ABI3BP: variants seen among roughly 807,000 people sequenced by gnomAD.
ABI3BP encodes target of Nesh-SH3.
Under a neutral mutation model 268.6 loss-of-function variants are expected in ABI3BP, and 216 were observed. The observed-to-expected ratio is 0.80, with a 90% CI of 0.72 to 0.90. ABI3BP has a LOEUF of 0.90. Among genes scored for constraint, ABI3BP ranks in the 40% least tolerant of loss-of-function variants. The pLI is 0.00. For missense variants in ABI3BP, 2,090 were observed against 2,182.4 expected, an observed-to-expected ratio of 0.96 and a Z score of 0.84; for synonymous variants, 730 against 730.0, an observed-to-expected ratio of 1.00 and a Z score of 0.00.
intron 3 of ABI3BP, among the ~76,000 whole-genome samples, chr3:100,900,545 A>G (rs1365897801): frequency 6.6e-6 from 1 of 152,230 alleles, no homozygotes; most frequent in Admixed American, 6.5e-5. Flanking sequence ...TAGAGATGAA[A>G]GACATATTTT....
At chr3:100,885,653 A>G in intron 5 of ABI3BP, 65 bp from the exon 6 acceptor site, 1 of 990,012 alleles carries the variant, frequency 1.0e-6, no homozygotes, top group Non-Finnish European at 1.5e-6. Flanking sequence ...ACTCTAGCTA[A>G]TCATTATGAA....
rs2098181784 is a variant in ABI3BP, at chr3:100,820,303, G to A, written c.2948C>T (p.Ala983Val). ...LRTETWVTTQ[A>V]PKTSQRTRRP... ...ACGAGTTCGTTGTGATGTTTTAGGA[G>A]CTGAAGAAAGAAAACCTTTAGTTAC... Residue 983 changes from alanine (A) to valine (V), a missense_variant and splice_region_variant, in exon 40 of 68, where the codon GCT becomes GTT. Physicochemically the swap from Ala to Val is moderately conservative, Grantham distance 64. Transcript: ENST00000471714. 2 of 1,535,548 alleles carry A rather than the reference G, an allele frequency of 1.3e-6. No homozygotes were observed. The highest frequency in any genetic ancestry group is 4.9e-5 in the East Asian group (2 of 40,906).
At position 100,771,066 on chromosome 3, in the gene ABI3BP, T is replaced by C. The variant is rs547312031; in HGVS notation, c.4532-114A>G. 1.3e-4 allele frequency: 127 copies of C among 942,754 alleles called. No homozygotes were observed. The African/African-American group carries it at 1.7e-3, about 13-fold the overall frequency. 58.4% of individuals were successfully genotyped at this position (942,754 alleles called of 1,614,324 possible). A position where few individuals can be genotyped will look rare whatever the true frequency, so the allele number is the denominator to read the frequency against. On this transcript the variant is annotated intron_variant, in intron 61 of 67. Coordinates refer to ENST00000471714, the MANE Select transcript of ABI3BP (RefSeq NM_001375547.2). ...TGGTCTCATATTATAAGCGGATGGT[T>C]GAAAGCCATGATGTGGATGGTTCAA...
intron 3 of ABI3BP, among the ~76,000 whole-genome samples, chr3:100,900,615 G>T (rs1218969098): frequency 6.6e-6 from 1 of 152,040 alleles, no homozygotes; most frequent in Non-Finnish European, 1.5e-5. Context: ...CCAATTATTT[G>T]TATGACCAAA....
At chr3:100,830,705 C>A in intron 31 of ABI3BP, 71 bp from the exon 32 acceptor site, 1 of 1,293,722 alleles carries the variant, frequency 7.7e-7, no homozygotes, top group East Asian at 2.6e-5. Flanking sequence ...TTCATCTTAC[C>A]ACCAAAAATC....
intron 23 of ABI3BP, 124 bp downstream of exon 23, chr3:100,839,948 A>G: frequency 1.4e-6 from 1 of 730,646 alleles, no homozygotes; most frequent in Non-Finnish European, 2.3e-6. Flanking sequence ...CTGAGTACAG[A>G]TGCTCAGTTA....
chr3:100,986,913 T>G (rs1220065686), intron 1 of ABI3BP, among the ~76,000 whole-genome samples: 1 of 152,174 alleles, frequency 6.6e-6, no homozygotes, highest in East Asian at 1.9e-4. Context: ...TCAATTATTG[T>G]TTTTCTATAT....
chr3:100,970,577 G>C (rs2083181779), intron 1 of ABI3BP, among the ~76,000 whole-genome samples: 1 of 152,176 alleles, frequency 6.6e-6, no homozygotes, highest in Non-Finnish European at 1.5e-5. Context: ...TCGCTCTAGA[G>C]AGTCCCAGAC....
chr3:100,839,701 T>G (rs1446003790), intron 23 of ABI3BP, 85 bp from the exon 24 acceptor site: 3 of 1,348,170 alleles, frequency 2.2e-6, no homozygotes, highest in Non-Finnish European at 3.1e-6. Context: ...GCTGGGACAC[T>G]ACCTAAATGA....
At chr3:100,876,606 C>G in intron 6 of ABI3BP, 46 bp from the exon 7 acceptor site, 1 of 1,550,758 alleles carries the variant, frequency 6.4e-7, no homozygotes, top group Non-Finnish European at 8.9e-7. Flanking sequence ...TTGTGAATAA[C>G]TTTCTGTTCT....
chr3:100,924,276 C>T (rs2061165104), intron 2 of ABI3BP, among the ~76,000 whole-genome samples: 1 of 151,986 alleles, frequency 6.6e-6, no homozygotes, highest in African/African-American at 2.4e-5. Context: ...ATCATATAGA[C>T]CTGTTTGGAT....
Position 100,811,227 on chromosome 3 carries a change from T to C in ABI3BP, c.3541+3A>G. ...CCCAGGGTTGGGCTACCGAGGTTAT[T>C]ACCTAGTGTGGTCTCAGGTGGTTCA... On this transcript the variant is annotated splice_donor_region_variant and intron_variant, in intron 48 of 67. Transcript: ENST00000471714. 5.2e-6 allele frequency: 8 copies of C among 1,533,320 alleles called. No homozygotes were observed. The highest frequency in any genetic ancestry group is 7.0e-6 in the Non-Finnish European group (8 of 1,145,380). 95.0% of individuals were successfully genotyped at this position (1,533,320 alleles called of 1,614,324 possible).
Position 100,822,626 on chromosome 3 carries a change from T to G in ABI3BP, c.2850A>C (p.Lys950Asn), listed in dbSNP as rs770360132. The change falls in exon 38 of 68, where the codon AAA (lysine) becomes AAC (asparagine). Residue 950 changes from lysine (K) to asparagine (N), a missense_variant. By Grantham distance (94) the Lys-to-Asn change is moderately conservative. Coordinates refer to ENST00000471714, the MANE Select transcript of ABI3BP (RefSeq NM_001375547.2). Reference protein sequence around the residue: ...QRTRRPRLRTKTTPRPEAPES... With the variant: ...QRTRRPRLRTNTTPRPEAPES... Reference sequence around the variant, plus strand: ...CAGGTGCTTCAGGACGTGGTGTGGTTTTTGTTCTGAGACGTGGACGACGTG... The same window carrying G: ...CAGGTGCTTCAGGACGTGGTGTGGTGTTTGTTCTGAGACGTGGACGACGTG... 63 of 1,536,518 alleles carry G rather than the reference T, an allele frequency of 4.1e-5. No homozygotes were observed. The highest frequency in any genetic ancestry group is 5.4e-5 in the Non-Finnish European group (62 of 1,146,982).
rs201153906 is a variant in ABI3BP at position 100,829,139 on chromosome 3, T to TA, written c.2542+441_2542+442insT. On this transcript the variant is annotated intron_variant, in intron 33 of 67. Transcript: ENST00000471714. ...TGATTTTTCTGTTTTTAAGTGGTTGTTAAAAAAAAAAAAAGAAGAAGAAGA... is the reference window on the plus strand; with the variant it reads ...TGATTTTTCTGTTTTTAAGTGGTTGTATAAAAAAAAAAAAAGAAGAAGAAGA... Among the ~76,000 whole-genome samples the TA allele has an allele frequency of 4.7e-3, 606 of 127,662 alleles. 5 individuals are homozygous for TA. The highest frequency in any genetic ancestry group is 6.6e-3 in the Non-Finnish European group (433 of 65,170). 83.8% of individuals were successfully genotyped at this position (127,662 alleles called of 152,430 possible).
At chr3:100,964,105 G>T (rs900436384) in intron 1 of ABI3BP, among the ~76,000 whole-genome samples, 1 of 152,148 alleles carries the variant, frequency 6.6e-6, no homozygotes, top group Admixed American at 6.5e-5. Flanking sequence ...GCAGCCCCAA[G>T]TCGTTTTGTA....
intron 6 of ABI3BP, among the ~76,000 whole-genome samples, chr3:100,882,786 A>T (rs2040038878): frequency 6.6e-6 from 1 of 152,166 alleles, no homozygotes; most frequent in African/African-American, 2.4e-5. Context: ...CTGCCAAGAC[A>T]AATACAAATT....
intron 2 of ABI3BP, among the ~76,000 whole-genome samples, chr3:100,910,824 G>A (rs2056108193): frequency 6.6e-6 from 1 of 152,094 alleles, no homozygotes; most frequent in South Asian, 2.1e-4. Flanking sequence ...GTGGATTACT[G>A]CAAACAGGGG....
At chr3:100,852,522 T>A (rs560628685) in intron 14 of ABI3BP, among the ~76,000 whole-genome samples, 16 of 152,318 alleles carry the variant, frequency 1.1e-4, no homozygotes, top group African/African-American at 3.6e-4. Context: ...GTTATCTCCA[T>A]TTTTTAGATA....
intron 4 of ABI3BP, among the ~76,000 whole-genome samples, chr3:100,894,771 G>GTGTC (rs1561377762): frequency 1.3e-5 from 2 of 151,210 alleles, no homozygotes; most frequent in Non-Finnish European, 3.0e-5. Context: ...AACCCCACCT[G>GTGTC]TACTAAAAAT....
Sources: gnomAD v4.1 joint callset for allele counts (sites outside exome capture counted in the v4.1 genomes callset) on GRCh38, gnomAD v4.1.1 for gene constraint, MANE v1.5 for transcripts, NCBI Gene and HGNC (gene_info 2026-07-23, HGNC 2026-07-21) for gene names.